NOP56: variants seen among roughly 807,000 people sequenced by gnomAD.
NOP56 encodes NOP56 ribonucleoprotein.
NOP56 carries 31 observed loss-of-function variants against 58.3 expected under a neutral mutation model. That is an observed-to-expected ratio of 0.53 (90% confidence interval 0.40 to 0.72). The LOEUF (loss-of-function observed/expected upper bound fraction) is 0.72, where lower values mean the gene tolerates loss of function less well. NOP56 is among the 30% of genes least tolerant of loss of function. NOP56 has a pLI of 0.00. For missense variants in NOP56, 669 were observed against 739.9 expected (o/e 0.90, Z 1.11); for synonymous variants, 313 against 282.8 (o/e 1.11, Z -1.07).
In NOP56 at chr20:2,655,956, A is replaced by G; in HGVS notation, c.932A>G (p.His311Arg). The change falls in exon 8 of 12, where the codon CAT (histidine) becomes CGT (arginine). Residue 311 changes from histidine (H) to arginine (R), a missense_variant. Transcript: ENST00000329276. ...CAGGTAGGTGCACGTCTCATCGCAC[A>G]TGCTGGCAGCCTCACCAACCTGGCC... ...GEAVGARLIA[H>R]AGSLTNLAKY... is the part of the protein sequence containing the mutation. The G allele has an allele frequency of 1.2e-6, 2 of 1,614,184 alleles. No individual in the cohort carries two copies. The highest frequency in any genetic ancestry group is 8.5e-7 in the Non-Finnish European group (1 of 1,180,028).
chr20:2,657,837 T>C, intron 11 of NOP56, 92 bp from the exon 12 acceptor site: 1 of 1,399,760 alleles, frequency 7.1e-7, no homozygotes, highest in South Asian at 1.5e-5. Context: ...TGGGCAATGT[T>C]AACGACACGC....
At chr20:2,656,628 A>G (rs137949797) in intron 9 of NOP56, 79 bp downstream of exon 9, 27 of 1,607,220 alleles carry the variant, frequency 1.7e-5, no homozygotes, top group East Asian at 2.2e-5. Context: ...TAGCTTCCAC[A>G]ATGATGGCAA....
intron 3 of NOP56, 42 bp from the exon 4 acceptor site, chr20:2,654,372 G>A (rs200953185): frequency 1.5e-5 from 24 of 1,611,084 alleles, no homozygotes; most frequent in African/African-American, 4.0e-5. Flanking sequence ...AGAGTTGATC[G>A]TCCTTCAGCC....
chr20:2,657,742 T>C, intron 11 of NOP56, 187 bp from the exon 12 acceptor site: 1 of 650,600 alleles, frequency 1.5e-6, no homozygotes, highest in Non-Finnish European at 2.6e-6. Flanking sequence ...TAATTTCTCA[T>C]GACATGTTTT....
intron 2 of NOP56, 30 bp downstream of exon 2, chr20:2,652,961 G>A: frequency 1.9e-6 from 3 of 1,547,502 alleles, no homozygotes; most frequent in East Asian, 2.4e-5. Context: ...TCCTTTGGCG[G>A]CCCCGCAGAC....
intron 8 of NOP56, 170 bp downstream of exon 8, chr20:2,656,204 C>A: frequency 1.2e-6 from 2 of 1,605,542 alleles, no homozygotes; most frequent in Non-Finnish European, 1.7e-6. Context: ...GCAAAGGGAC[C>A]AAGTTTCCAG....
rs1356160848 is a variant in NOP56 at position 2,654,450 on chromosome 20, C to G, written c.245C>G (p.Thr82Ser). 6.2e-7 allele frequency: 1 copy of G among 1,614,164 alleles called. No homozygotes were observed. Among genetic ancestry groups the G allele is most frequent in the South Asian group, 1.1e-5 (1 of 91,078 alleles). Residue 82 changes from threonine (T) to serine (S), a missense_variant, in exon 4 of 12, where the codon ACC (threonine) becomes AGC (serine). By Grantham distance (58) the Thr-to-Ser change is moderately conservative (BLOSUM62 1). Around this residue, in one of 3 missense-constraint regions of NOP56, gnomAD observed 121 missense variants for 113.1 expected, o/e 1.07. Coordinates refer to ENST00000329276, the MANE Select transcript of NOP56 (RefSeq NM_006392.4). ...GAGGACCTCCGCCTGCTCTTGGAGA[C>G]CCACCTGCCGTCCAAAAAGAAGAAA... ...VHEDLRLLLE[T>S]HLPSKKKKVL...
intron 11 of NOP56, 74 bp from the exon 12 acceptor site, chr20:2,657,855 T>A (rs546201714): frequency 1.3e-6 from 2 of 1,483,448 alleles, no homozygotes; most frequent in East Asian, 2.3e-5. Flanking sequence ...CGCGTTCCCC[T>A]GCCTTGGCTA....
At chr20:2,654,391 G>A (rs1452952867) in intron 3 of NOP56, 23 bp from the exon 4 acceptor site, 1 of 1,613,760 alleles carries the variant, frequency 6.2e-7, no homozygotes, top group African/African-American at 1.3e-5. Flanking sequence ...CCTGTTAGTG[G>A]GAACTGTGTT....
At position 2,652,874 on chromosome 20, in the gene NOP56, C is replaced by A. The variant is rs1272799475; in HGVS notation, c.36C>A (p.Val12=). 2 of 1,611,318 alleles carry A rather than the reference C, an allele frequency of 1.2e-6. No individual in the cohort carries two copies. The change falls in exon 2 of 12, where the codon GTC becomes GTA. Residue 12 remains valine (V), a synonymous_variant. Transcript: ENST00000329276. ...VLLHVLFEHA[V]GYALLALKEV... is the part of the protein sequence containing the mutation. ...TGCACGTGCTGTTTGAGCACGCGGT[C>A]GGCTACGCGCTGCTGGCGCTGAAGG...
chr20:2,656,494 C>T lies in NOP56; in HGVS notation c.1104C>T (p.Ile368=). Residue 368 remains isoleucine (I), a synonymous_variant, in exon 9 of 12, where the codon ATC becomes ATT. Transcript: ENST00000329276. ...GRAAAKNKGR[I]SRYLANKCSI... is the part of the protein sequence containing the mutation. ...CAGCTGCCAAGAACAAAGGCCGCATCTCCCGATACCTGGCAAACAAATGCA... is the reference window on the plus strand; with the variant it reads ...CAGCTGCCAAGAACAAAGGCCGCATTTCCCGATACCTGGCAAACAAATGCA... The T allele has an allele frequency of 1.2e-6, 2 of 1,614,198 alleles. No homozygotes were observed. The highest frequency in any genetic ancestry group is 1.7e-6 in the Non-Finnish European group (2 of 1,180,044).
intron 10 of NOP56, 66 bp from the exon 11 acceptor site, chr20:2,657,015 A>T: frequency 6.2e-7 from 1 of 1,614,060 alleles, no homozygotes; most frequent in Non-Finnish European, 8.5e-7. Flanking sequence ...TGATCCAATA[A>T]AGCCAGAAAG....
At position 2,656,591 on chromosome 20, in the gene NOP56, G is replaced by A. The variant is rs55904186; in HGVS notation, c.1159+42G>A. On this transcript the variant is annotated intron_variant, in intron 9 of 11. Transcript: ENST00000329276. Reference sequence around the variant, plus strand: ...GTTGGCAGGTGTGAGAAGGGGCTGGGTGGCTGGGTGGGGAGGCTTGCAACC... The same window carrying A: ...GTTGGCAGGTGTGAGAAGGGGCTGGATGGCTGGGTGGGGAGGCTTGCAACC... 2,500 of 1,611,262 alleles carry A rather than the reference G, an allele frequency of 1.6e-3. 2 individuals are homozygous for A. Among genetic ancestry groups the A allele is most frequent in the Non-Finnish European group, 1.9e-3 (2,255 of 1,179,330 alleles).
chr20:2,653,173 G>T, intron 2 of NOP56, 106 bp from the exon 3 acceptor site: 1 of 944,290 alleles, frequency 1.1e-6, no homozygotes, highest in South Asian at 1.5e-5. Flanking sequence ...GTGGGGCCCA[G>T]GTATCAGCAT....
At chr20:2,654,251 G>A in intron 3 of NOP56, 163 bp from the exon 4 acceptor site, 1 of 810,592 alleles carries the variant, frequency 1.2e-6, no homozygotes, top group Non-Finnish European at 2.2e-6. Flanking sequence ...TCAATCCCCT[G>A]AGTGCAATCA....
intron 3 of NOP56, chr20:2,653,883 G>A (rs2086782915): frequency 3.2e-6 from 1 of 311,052 alleles, no homozygotes; most frequent in South Asian, 2.8e-5. Flanking sequence ...TCCATCTCCT[G>A]ACCTCGTGAT....
At position 2,657,912 on chromosome 20, in the gene NOP56, C is replaced by T; in HGVS notation, c.1420-17C>T. On this transcript the variant is annotated splice_polypyrimidine_tract_variant and intron_variant, in intron 11 of 11. Transcript: ENST00000329276. ...GAGCACTGTTCTCACAGCCTGTTCC[C>T]CTGTCCTTCCCTTTAGGAGATGAGT... 6.4e-7 allele frequency: 1 copy of T among 1,561,588 alleles called. No individual in the cohort carries two copies. The highest frequency in any genetic ancestry group is 1.4e-5 in the African/African-American group (1 of 72,572).
At position 2,655,921 on chromosome 20, in the gene NOP56, ACTCT is replaced by A. The variant is rs760229408; in HGVS notation, c.910-7_910-4del. On this transcript the variant is annotated splice_polypyrimidine_tract_variant and intron_variant, in intron 7 of 11. Coordinates refer to ENST00000329276, the MANE Select transcript of NOP56 (RefSeq NM_006392.4). The stretch of plus-strand genomic sequence containing the variant: ...GTTCATTTCTCTGACTGCTTCCTTG[ACTCT>A]CTCTCCAGGTAGGTGCACGTCTCAT... The A allele has an allele frequency of 3.7e-5, 60 of 1,613,350 alleles. No homozygotes were observed. The highest frequency in any genetic ancestry group is 1.6e-4 in the Middle Eastern group (1 of 6,084).
intron 3 of NOP56, 82 bp downstream of exon 3, chr20:2,653,475 G>A: frequency 8.9e-7 from 1 of 1,129,712 alleles, no homozygotes; most frequent in Non-Finnish European, 1.3e-6. Flanking sequence ...AGTATTTGCC[G>A]TCCTTGGCTG....
Sources: allele counts gnomAD v4.1 joint callset, GRCh38; gene constraint gnomAD v4.1.1; regional missense constraint gnomAD v4.1.1; transcripts MANE v1.5; gene names NCBI Gene and HGNC (gene_info 2026-07-23, HGNC 2026-07-21).